MARCHF10: variants seen among roughly 807,000 people sequenced by gnomAD.
MARCHF10 encodes membrane associated ring-CH-type finger 10, also known as probable E3 ubiquitin-protein ligase MARCHF10.
Under a neutral mutation model 76.2 loss-of-function variants are expected in MARCHF10, and 64 were observed. The observed-to-expected ratio is 0.84, with a 90% CI of 0.69 to 1.03. The LOEUF (loss-of-function observed/expected upper bound fraction) is 1.03, where lower values mean the gene tolerates loss of function less well. MARCHF10 is among the 50% of genes least tolerant of loss of function. MARCHF10 has a pLI of 0.00. For missense variants in MARCHF10, 875 were observed against 958.0 expected (o/e 0.91, Z 1.14); for synonymous variants, 340 against 357.5 (o/e 0.95, Z 0.55).
chr17:62,718,663 G>A (rs2090338322), intron 8 of MARCHF10, among the ~76,000 whole-genome samples: 1 of 152,204 alleles, frequency 6.6e-6, no homozygotes, highest in Non-Finnish European at 1.5e-5. Context: ...CTCAGGCACT[G>A]AGAGGTTCTG....
At chr17:62,735,031 T>C (rs374258470) in intron 6 of MARCHF10, 1 of 152,236 alleles carries the variant, frequency 6.6e-6, no homozygotes, top group Non-Finnish European at 1.5e-5. Flanking sequence ...AACTAGAAAG[T>C]TACTTCATTA....
chr17:62,781,241 C>T (rs530218630), intron 3 of MARCHF10, among the ~76,000 whole-genome samples: 4 of 152,134 alleles, frequency 2.6e-5, no homozygotes, highest in Non-Finnish European at 5.9e-5. Flanking sequence ...TTCTAGAAGC[C>T]TCAGAACCTT....
chr17:62,788,516 C>T lies in MARCHF10; in HGVS notation c.174G>A (p.Glu58=). The change falls in exon 3 of 11, where the codon GAG becomes GAA. Residue 58 remains glutamate (E), a synonymous_variant. Coordinates refer to ENST00000311269, the MANE Select transcript of MARCHF10 (RefSeq NM_152598.4). ...DQFWGQETSF[E]RSRFSSRSSS... ...ATGACCTGCTAGAAAACCGGGATCT[C>T]TCAAAACTTGTCTCTTGCCCCCAAA... 1 of 1,614,172 alleles carries T rather than the reference C, an allele frequency of 6.2e-7. No homozygotes were observed. Among genetic ancestry groups the T allele is most frequent in the South Asian group, 1.1e-5 (1 of 91,078 alleles).
At chr17:62,706,863 C>A (rs1276441917) in intron 9 of MARCHF10, among the ~76,000 whole-genome samples, 2 of 152,152 alleles carry the variant, frequency 1.3e-5, no homozygotes, top group Non-Finnish European at 1.5e-5. Context: ...CGGAGTGCTC[C>A]GTGTGGGGGC....
intron 10 of MARCHF10, 113 bp from the exon 11 acceptor site, chr17:62,701,871 C>A: frequency 7.2e-7 from 1 of 1,393,264 alleles, no homozygotes; most frequent in Non-Finnish European, 1.0e-6. Context: ...GAGGCCCAGC[C>A]ACCCACATGG....
At chr17:62,799,941 T>G (rs962119466) in intron 2 of MARCHF10, among the ~76,000 whole-genome samples, 1 of 152,046 alleles carries the variant, frequency 6.6e-6, no homozygotes. Flanking sequence ...GGGGGATCTT[T>G]CCCATAATTC....
intron 3 of MARCHF10, among the ~76,000 whole-genome samples, chr17:62,787,513 T>C (rs1288585368): frequency 6.6e-6 from 1 of 152,206 alleles, no homozygotes; most frequent in Non-Finnish European, 1.5e-5. Flanking sequence ...ATGCTAACAG[T>C]CAGTGTTGAA....
chr17:62,790,139 A>C (rs1333880586), intron 2 of MARCHF10, among the ~76,000 whole-genome samples: 1 of 152,180 alleles, frequency 6.6e-6, no homozygotes, highest in Non-Finnish European at 1.5e-5. Flanking sequence ...TGTACTATGG[A>C]AATTTCAACT....
chr17:62,710,341 G>A (rs148273684), intron 9 of MARCHF10, among the ~76,000 whole-genome samples: 2 of 152,198 alleles, frequency 1.3e-5, no homozygotes, highest in African/African-American at 4.8e-5. Context: ...TTTAAAAAAT[G>A]TATTTCTTTG....
At chr17:62,792,538 C>A (rs1382080220) in intron 2 of MARCHF10, among the ~76,000 whole-genome samples, 3 of 151,342 alleles carry the variant, frequency 2.0e-5, no homozygotes, top group Non-Finnish European at 4.4e-5. Context: ...TCCATCACCA[C>A]CACCACCTGC....
chr17:62,780,485 T>A (rs761916741), intron 3 of MARCHF10, among the ~76,000 whole-genome samples: 41 of 152,308 alleles, frequency 2.7e-4, no homozygotes, highest in African/African-American at 9.9e-4. Context: ...ACTTCATTGA[T>A]GTGAACAGCA....
At chr17:62,791,290 GA>G (rs1568215691) in intron 2 of MARCHF10, among the ~76,000 whole-genome samples, 1 of 152,174 alleles carries the variant, frequency 6.6e-6, no homozygotes, top group African/African-American at 2.4e-5. Context: ...TGTTGTTTCC[GA>G]AAGGGGCAGA....
At chr17:62,740,917 C>T (rs547673170) in intron 5 of MARCHF10, among the ~76,000 whole-genome samples, 7 of 152,274 alleles carry the variant, frequency 4.6e-5, no homozygotes, top group Non-Finnish European at 8.8e-5. Context: ...CATGACCCAC[C>T]GTGTCTGGCC....
intron 4 of MARCHF10, among the ~76,000 whole-genome samples, chr17:62,758,950 A>G (rs1054959267): frequency 2.6e-5 from 4 of 152,210 alleles, no homozygotes; most frequent in African/African-American, 9.7e-5. Flanking sequence ...GAGAGACATT[A>G]AAGTTTCAGT....
intron 1 of MARCHF10, among the ~76,000 whole-genome samples, chr17:62,803,527 T>A (rs542339912): frequency 6.6e-6 from 1 of 152,010 alleles, no homozygotes; most frequent in Non-Finnish European, 1.5e-5. Flanking sequence ...TACTCTTTTT[T>A]ATTTTTTTTT....
In MARCHF10 at chr17:62,737,269, C is replaced by T. The variant is rs755810594; in HGVS notation, c.599G>A (p.Arg200Lys). The change falls in exon 6 of 11, where the codon AGA (arginine) becomes AAA (lysine). Residue 200 changes from arginine to lysine, a missense_variant. Transcript: ENST00000311269. ...CTGTGACGATGGGACCAAGTTTCTT[C>T]TCTCTTGATTTGGCCTCTTCAGCTT... ...NTKLKRPNQE[R>K]RNLVPSSQPM... 3.7e-6 allele frequency: 6 copies of T among 1,613,700 alleles called. No individual in the cohort carries two copies. Among genetic ancestry groups the T allele is most frequent in the Non-Finnish European group, 5.1e-6 (6 of 1,179,974 alleles).
At position 62,725,016 on chromosome 17, in the gene MARCHF10, G is replaced by C; in HGVS notation, c.2026C>G (p.Pro676Ala). 1 of 1,610,484 alleles carries C rather than the reference G, an allele frequency of 6.2e-7. No individual in the cohort carries two copies. The highest frequency in any genetic ancestry group is 1.7e-4 in the Middle Eastern group (1 of 6,058). ...GGSPSNPLLEPCGCVGSLQFV... is the reference protein window; with the variant it reads ...GGSPSNPLLEACGCVGSLQFV... The stretch of plus-strand genomic sequence containing the variant: ...TGCAGGCTTCCCACACAGCCGCAAG[G>C]CTCCAGGAGGGGGTTGCTTGGGGAA... Residue 676 changes from proline (P) to alanine (A), a missense_variant, in exon 7 of 11, where the codon CCT becomes GCT. Transcript: ENST00000311269.
Position 62,800,345 on chromosome 17 carries a change from G to A in MARCHF10, c.90+1301C>T, listed in dbSNP as rs953386029. On this transcript the variant is annotated intron_variant, in intron 2 of 10. Transcript: ENST00000311269. The stretch of plus-strand genomic sequence containing the variant: ...CTGTTCTGGAGACAATTTCAAACAG[G>A]AGCCGGGTGGCAGAGGCATCTTTGT... Among the ~76,000 whole-genome samples, 19 of 152,274 alleles carry A rather than the reference G, an allele frequency of 1.2e-4. No individual in the cohort carries two copies. In the East Asian group the frequency reaches 3.7e-3, roughly 29 times the overall value.
chr17:62,789,017 T>C (rs1044686387), intron 2 of MARCHF10, among the ~76,000 whole-genome samples: 2 of 127,236 alleles, frequency 1.6e-5, no homozygotes, highest in African/African-American at 2.9e-5. Context: ...GAGCCGAGAT[T>C]GCGCCACTGC....
Sources: gnomAD v4.1 joint callset for allele counts (sites outside exome capture counted in the v4.1 genomes callset) on GRCh38, gnomAD v4.1.1 for gene constraint, MANE v1.5 for transcripts, NCBI Gene and HGNC (gene_info 2026-07-23, HGNC 2026-07-21) for gene names.